USH2A: variants seen among roughly 807,000 people sequenced by gnomAD.
USH2A encodes the protein usherin, also known as Usher syndrome 2A (autosomal recessive, mild).
USH2A carries 443 observed loss-of-function variants against 538.9 expected under a neutral mutation model. The observed-to-expected ratio is 0.82, with a 90% CI of 0.76 to 0.89. USH2A has a LOEUF of 0.89. Among genes scored for constraint, USH2A ranks in the 40% least tolerant of loss-of-function variants. The pLI, the probability that USH2A is intolerant of heterozygous loss-of-function variation, is 0.00. For synonymous variants in USH2A, 2,413 were observed against 2,273.5 expected (o/e 1.06, Z -1.75); for missense variants, 6,633 against 6,324.8 (o/e 1.05, Z -1.65).
At chr1:216,031,442 C>G (rs938826407) in intron 32 of USH2A, among the ~76,000 whole-genome samples, 1 of 152,080 alleles carries the variant, frequency 6.6e-6, no homozygotes, top group African/African-American at 2.4e-5. Flanking sequence ...CATATAAATA[C>G]AATACAATAG....
chr1:215,835,266 G>A (rs1663444086), intron 47 of USH2A, among the ~76,000 whole-genome samples: 1 of 149,506 alleles, frequency 6.7e-6, no homozygotes, highest in South Asian at 2.1e-4. Context: ...AGGACAAGTT[G>A]TTTTTACTGT....
intron 43 of USH2A, among the ~76,000 whole-genome samples, chr1:215,871,961 C>T (rs1664633414): frequency 6.6e-6 from 1 of 152,116 alleles, no homozygotes; most frequent in African/African-American, 2.4e-5. Context: ...CTGCAGAATG[C>T]CTGGGGTTAT....
chr1:216,416,059 G>A (rs563806951), intron 3 of USH2A, among the ~76,000 whole-genome samples: 12 of 152,112 alleles, frequency 7.9e-5, no homozygotes, highest in African/African-American at 2.9e-4. Context: ...TCAGCTACTT[G>A]GGAGGCTGAG....
intron 11 of USH2A, among the ~76,000 whole-genome samples, chr1:216,284,094 T>C (rs561350053): frequency 1.3e-5 from 2 of 152,286 alleles, no homozygotes; most frequent in East Asian, 1.9e-4. Context: ...TCTCTCTCTA[T>C]ATATATACAT....
intron 3 of USH2A, among the ~76,000 whole-genome samples, chr1:216,378,210 T>G (rs528715002): frequency 6.6e-6 from 1 of 152,306 alleles, no homozygotes; most frequent in African/African-American, 2.4e-5. Flanking sequence ...GGTGAAATAC[T>G]TAAAAGGTAA....
At chr1:216,334,732 G>T (rs2037936617) in intron 4 of USH2A, among the ~76,000 whole-genome samples, 1 of 151,714 alleles carries the variant, frequency 6.6e-6, no homozygotes, top group African/African-American at 2.4e-5. Context: ...GTAGAGACAA[G>T]AATATTTTAA....
At chr1:215,645,018 A>C (rs1656802477) in intron 67 of USH2A, among the ~76,000 whole-genome samples, 1 of 152,192 alleles carries the variant, frequency 6.6e-6, no homozygotes. Context: ...TTTCAGACGG[A>C]AGAAGGACCA....
In USH2A at chr1:216,070,300, G is replaced by A. The variant is rs774808731; in HGVS notation, c.5858-8C>T. ...TTGGCACACTTTGTGGAGCTGTGAA[G>A]GAATAAAAGAGAAAATAGGGAAAAT... On this transcript the variant is annotated splice_region_variant and splice_polypyrimidine_tract_variant and intron_variant, in intron 29 of 71. Transcript: ENST00000307340. 3.1e-6 allele frequency: 5 copies of A among 1,613,590 alleles called. No individual in the cohort carries two copies. Among genetic ancestry groups the A allele is most frequent in the Admixed American group, 3.3e-5 (2 of 59,982 alleles).
intron 4 of USH2A, among the ~76,000 whole-genome samples, chr1:216,355,333 AAG>A (rs796833883): frequency 1.3e-5 from 2 of 148,978 alleles, no homozygotes; most frequent in African/African-American, 5.0e-5. Context: ...GAAAGAAAGA[AAG>A]AAAGAAAGAA....
At chr1:216,247,366 A>G (rs1360505615) in intron 12 of USH2A, 140 bp from the exon 13 acceptor site, 2 of 967,590 alleles carry the variant, frequency 2.1e-6, no homozygotes, top group Non-Finnish European at 3.1e-6. Flanking sequence ...TAGGGGGCCA[A>G]TCTTACTCTC....
At chr1:215,900,582 GAAAA>G in intron 39 of USH2A, 169 bp downstream of exon 39, 1 of 907,864 alleles carries the variant, frequency 1.1e-6, no homozygotes, top group South Asian at 1.6e-5. Context: ...CTACATAAAT[GAAAA>G]ATAGATATTT....
chr1:216,306,010 G>T (rs923946597), intron 9 of USH2A, among the ~76,000 whole-genome samples: 1 of 152,078 alleles, frequency 6.6e-6, no homozygotes, highest in Non-Finnish European at 1.5e-5. Context: ...TTTTTGTGAT[G>T]AATTTCCCAG....
At chr1:216,404,564 C>T (rs1326682434) in intron 3 of USH2A, among the ~76,000 whole-genome samples, 1 of 150,856 alleles carries the variant, frequency 6.6e-6, no homozygotes, top group African/African-American at 2.4e-5. Flanking sequence ...ACATCCACTG[C>T]TCAAAACCAA....
intron 59 of USH2A, 46 bp from the exon 60 acceptor site, chr1:215,741,583 A>T (rs1660306950): frequency 1.2e-6 from 2 of 1,601,622 alleles, no homozygotes; most frequent in Admixed American, 3.4e-5. Context: ...TCAAGCAAGG[A>T]AAAGAACTAC....
At chr1:216,000,095 A>T (rs1668231402) in intron 33 of USH2A, among the ~76,000 whole-genome samples, 1 of 152,190 alleles carries the variant, frequency 6.6e-6, no homozygotes, top group African/African-American at 2.4e-5. Context: ...ATACTTTCTA[A>T]TTCCAAATTA....
chr1:215,661,669 A>G (rs991162554), intron 64 of USH2A, among the ~76,000 whole-genome samples: 4 of 152,168 alleles, frequency 2.6e-5, no homozygotes, highest in African/African-American at 9.7e-5. Context: ...AAACATAAGG[A>G]TGGAGATTTA....
chr1:215,814,942 A>T (rs1412645523), intron 48 of USH2A, among the ~76,000 whole-genome samples: 1 of 152,104 alleles, frequency 6.6e-6, no homozygotes, highest in Non-Finnish European at 1.5e-5. Flanking sequence ...GGGATTTGTG[A>T]ACCATGGCTG....
intron 3 of USH2A, among the ~76,000 whole-genome samples, chr1:216,386,975 C>T (rs1184145197): frequency 1.3e-5 from 2 of 152,140 alleles, no homozygotes; most frequent in African/African-American, 4.8e-5. Flanking sequence ...AACTTTATCA[C>T]AGAACAACTT....
At chr1:216,349,204 A>G (rs116538885) in intron 4 of USH2A, among the ~76,000 whole-genome samples, 4,410 of 152,228 alleles carry the variant, frequency 0.029, 98 homozygotes, top group Middle Eastern at 0.058. Flanking sequence ...TCTCTATCCC[A>G]AAGACAAGAG....
Sources: allele counts gnomAD v4.1 joint callset (sites outside exome capture counted in the v4.1 genomes callset), GRCh38; gene constraint gnomAD v4.1.1; transcripts MANE v1.5; gene names NCBI Gene and HGNC (gene_info 2026-07-23, HGNC 2026-07-21).